ACSL6: variants seen among roughly 807,000 people sequenced by gnomAD.
The protein encoded by ACSL6 is long-chain-fatty-acid--CoA ligase 6.
Under a neutral mutation model 98.2 loss-of-function variants are expected in ACSL6, and 47 were observed. That is an observed-to-expected ratio of 0.48 (90% CI 0.38 to 0.61). The LOEUF (loss-of-function observed/expected upper bound fraction) is 0.61. Among genes scored for constraint, ACSL6 ranks in the 20% least tolerant of loss-of-function variants. ACSL6 has a pLI of 0.00. For synonymous variants in ACSL6, 362 were observed against 336.9 expected, an observed-to-expected ratio of 1.07 and a Z score of -0.82; for missense variants, 761 against 913.4, an observed-to-expected ratio of 0.83 and a Z score of 2.15.
chr5:131,966,351 T>C, intron 17 of ACSL6, 65 bp downstream of exon 17: 1 of 1,505,286 alleles, frequency 6.6e-7, no homozygotes, highest in Non-Finnish European at 9.2e-7. Flanking sequence ...CCTGCCTCAG[T>C]GACCCGGACC....
At chr5:131,954,452 A>T in intron 20 of ACSL6, 81 bp from the exon 21 acceptor site, 1 of 1,355,538 alleles carries the variant, frequency 7.4e-7, no homozygotes. Flanking sequence ...GCAAACAGGC[A>T]CATGAGAGTA....
chr5:131,972,958 T>C, intron 12 of ACSL6, 100 bp from the exon 13 acceptor site: 5 of 1,536,204 alleles, frequency 3.3e-6, no homozygotes, highest in Non-Finnish European at 4.4e-6. Context: ...AGAGAAGCCA[T>C]GTTCCATTTT....
At chr5:131,960,114 C>T (rs1362450553) in intron 19 of ACSL6, among the ~76,000 whole-genome samples, 1 of 152,176 alleles carries the variant, frequency 6.6e-6, no homozygotes, top group Non-Finnish European at 1.5e-5. Context: ...TAGCTGTCTA[C>T]ACCCAGCAGA....
intron 16 of ACSL6, 142 bp from the exon 17 acceptor site, chr5:131,966,674 A>G: frequency 1.3e-6 from 1 of 745,224 alleles, no homozygotes; most frequent in Non-Finnish European, 2.4e-6. Context: ...AACAGAGGAC[A>G]AGGAACAGCC....
intron 1 of ACSL6, chr5:132,006,980 T>C (rs1389732323): frequency 6.6e-6 from 1 of 152,238 alleles, no homozygotes; most frequent in East Asian, 1.9e-4. Context: ...ACTGATTGAC[T>C]TGTGGTAAGG....
chr5:132,005,474 T>A (rs772764862), intron 1 of ACSL6, among the ~76,000 whole-genome samples: 5 of 152,218 alleles, frequency 3.3e-5, no homozygotes, highest in Non-Finnish European at 5.9e-5. Context: ...CCCTGTCCAA[T>A]CTCACTGGCC....
intron 16 of ACSL6, 147 bp from the exon 17 acceptor site, chr5:131,966,679 A>G: frequency 1.4e-6 from 1 of 733,118 alleles, no homozygotes; most frequent in South Asian, 1.6e-5. Context: ...AGGACAAGGA[A>G]CAGCCAGCAG....
chr5:131,987,456 AC>A (rs1235459394), intron 7 of ACSL6, among the ~76,000 whole-genome samples: 1 of 104,846 alleles, frequency 9.5e-6, no homozygotes, highest in Non-Finnish European at 2.6e-5. Flanking sequence ...AGTGGGGAGC[AC>A]ATAGGGAGGC....
intron 1 of ACSL6, among the ~76,000 whole-genome samples, chr5:132,003,425 G>C (rs1755201453): frequency 6.6e-6 from 1 of 152,222 alleles, no homozygotes; most frequent in African/African-American, 2.4e-5. Flanking sequence ...CCCTCAGCGG[G>C]CAGGAGCACT....
intron 2 of ACSL6, among the ~76,000 whole-genome samples, chr5:131,992,789 A>T (rs1754594780): frequency 6.6e-6 from 1 of 152,212 alleles, no homozygotes; most frequent in Admixed American, 6.5e-5. Flanking sequence ...CACAGTTCAC[A>T]GGGCTCTGTC....
intron 19 of ACSL6, 40 bp downstream of exon 19, chr5:131,960,480 C>T (rs750246955): frequency 3.2e-6 from 5 of 1,552,748 alleles, no homozygotes; most frequent in South Asian, 2.4e-5. Context: ...TACCATAAAA[C>T]ATTCAGTAAC....
chr5:131,994,056 A>T lies in ACSL6; in HGVS notation c.245T>A (p.Leu82His). The change falls in exon 2 of 21, where the codon CTC (leucine) becomes CAC (histidine). Residue 82 changes from leucine to histidine, a missense_variant. By Grantham distance (99) the Leu-to-His change is moderately conservative. Coordinates refer to ENST00000651883, the MANE Select transcript of ACSL6 (RefSeq NM_001009185.3). ...CTCTACTTCTTCTGACTGCATCAGG[A>T]GGTTGCATGGCGGCTGCAAGGCCTT... ...RPKALQPPCNLLMQSEEVEDS... is the reference protein window; with the variant it reads ...RPKALQPPCNHLMQSEEVEDS... 1 of 1,613,978 alleles carries T rather than the reference A, an allele frequency of 6.2e-7. No individual in the cohort carries two copies. The highest frequency in any genetic ancestry group is 8.5e-7 in the Non-Finnish European group (1 of 1,180,032).
At chr5:131,969,665 C>T (rs567738776) in intron 15 of ACSL6, among the ~76,000 whole-genome samples, 87 of 152,222 alleles carry the variant, frequency 5.7e-4, no homozygotes, top group African/African-American at 2.0e-3. Context: ...TTGGACCTGA[C>T]GTGTAAAGGA....
At chr5:131,958,575 A>G (rs764450606) in intron 20 of ACSL6, among the ~76,000 whole-genome samples, 5 of 152,234 alleles carry the variant, frequency 3.3e-5, no homozygotes, top group Non-Finnish European at 5.9e-5. Flanking sequence ...TAATGTAAAG[A>G]TCTATTTTTA....
chr5:131,978,728 C>A (rs1753753868), intron 9 of ACSL6, among the ~76,000 whole-genome samples: 1 of 152,172 alleles, frequency 6.6e-6, no homozygotes, highest in African/African-American at 2.4e-5. Context: ...AAAAGAACTA[C>A]CCCCGCGGCA....
chr5:131,988,082 C>T lies in ACSL6; in HGVS notation c.797G>A (p.Cys266Tyr), dbSNP rs1389133370. The T allele has an allele frequency of 1.2e-6, 2 of 1,614,084 alleles. No homozygotes were observed. Among genetic ancestry groups the T allele is most frequent in the Non-Finnish European group, 1.7e-6 (2 of 1,180,032 alleles). Residue 266 changes from cysteine to tyrosine, a missense_variant, in exon 7 of 21, where the codon TGC becomes TAC. By Grantham distance (194) the Cys-to-Tyr change is radical. Transcript: ENST00000651883. ...EEALKERGQK[C>Y]GVVIKSMQAV... ...CTGCATGGACTTAATGACCACCCCG[C>T]ACTTCTGCCCTCTCTCTTTCAGGGC...
At chr5:131,962,781 C>G in intron 17 of ACSL6, 103 bp from the exon 18 acceptor site, 1 of 1,336,156 alleles carries the variant, frequency 7.5e-7, no homozygotes, top group Non-Finnish European at 1.0e-6. Context: ...CCTGCAGACC[C>G]CACCCCGATT....
At chr5:131,988,939 G>T in intron 5 of ACSL6, 35 bp from the exon 6 acceptor site, 1 of 1,590,622 alleles carries the variant, frequency 6.3e-7, no homozygotes, top group South Asian at 1.1e-5. Flanking sequence ...TGGGGAAGAA[G>T]GGGAGATTAG....
At chr5:131,974,710 T>C (rs371749814) in intron 11 of ACSL6, 183 bp downstream of exon 11, 1 of 1,572,120 alleles carries the variant, frequency 6.4e-7, no homozygotes, top group Non-Finnish European at 8.6e-7. Flanking sequence ...CCCGCTAGGG[T>C]TATGGGTTCT....
Sources: gnomAD v4.1 joint callset for allele counts (sites outside exome capture counted in the v4.1 genomes callset) on GRCh38, gnomAD v4.1.1 for gene constraint, MANE v1.5 for transcripts, NCBI Gene and HGNC (gene_info 2026-07-23, HGNC 2026-07-21) for gene names.